Variants in THOC1 observed in about 807,000 individuals in gnomAD.
THOC1 encodes THO complex 1.
Under a neutral mutation model 97.3 loss-of-function variants are expected in THOC1, and 29 were observed. That is an observed-to-expected ratio of 0.30 (90% CI 0.22 to 0.41). The LOEUF (loss-of-function observed/expected upper bound fraction) is 0.41. Among genes scored for constraint, THOC1 ranks in the 10% least tolerant of loss-of-function variants. The pLI, the probability that THOC1 is intolerant of heterozygous loss-of-function variation, is 1.00. For synonymous variants in THOC1, 255 were observed against 257.0 expected (o/e 0.99, Z 0.07); for missense variants, 529 against 761.9 (o/e 0.69, Z 3.60).
intron 17 of THOC1, among the ~76,000 whole-genome samples, chr18:222,993 ACT>A (rs1246010862): frequency 6.6e-6 from 1 of 151,666 alleles, no homozygotes. Flanking sequence ...ATCGTTTCTA[ACT>A]CTGCTCCTTC....
chr18:239,295 TTTTA>T (rs1484652826), intron 11 of THOC1, among the ~76,000 whole-genome samples: 3 of 152,138 alleles, frequency 2.0e-5, no homozygotes, highest in Non-Finnish European at 2.9e-5. Flanking sequence ...CATACGATAC[TTTTA>T]TTTATTTTAT....
intron 1 of THOC1, among the ~76,000 whole-genome samples, chr18:266,423 C>T (rs749412256): frequency 2.0e-5 from 3 of 152,134 alleles, no homozygotes; most frequent in Non-Finnish European, 4.4e-5. Flanking sequence ...GGTAGAAATG[C>T]AAAATCTCAG....
At chr18:225,056 T>C in intron 14 of THOC1, 33 bp downstream of exon 14, 1 of 1,566,932 alleles carries the variant, frequency 6.4e-7, no homozygotes, top group Non-Finnish European at 8.7e-7. Context: ...TATTTCGTGC[T>C]AAGAAGAGGA....
intron 11 of THOC1, among the ~76,000 whole-genome samples, chr18:235,751 T>C (rs1358636913): frequency 6.6e-6 from 1 of 152,194 alleles, no homozygotes; most frequent in Non-Finnish European, 1.5e-5. Flanking sequence ...TGCTGAGAAT[T>C]TCTTTGTGAC....
At chr18:221,307 G>GGGT (rs931419228) in intron 17 of THOC1, among the ~76,000 whole-genome samples, 1 of 151,922 alleles carries the variant, frequency 6.6e-6, no homozygotes, top group African/African-American at 2.4e-5. Context: ...TAGGTTTTCT[G>GGGT]GGTGGTGGTG....
At chr18:243,366 T>G (rs1227360422) in intron 11 of THOC1, among the ~76,000 whole-genome samples, 1 of 152,142 alleles carries the variant, frequency 6.6e-6, no homozygotes, top group Non-Finnish European at 1.5e-5. Flanking sequence ...TGTGGAGATT[T>G]CTCTGAAAAT....
chr18:241,423 C>T (rs1226063247), intron 11 of THOC1, among the ~76,000 whole-genome samples: 1 of 152,214 alleles, frequency 6.6e-6, no homozygotes, highest in Non-Finnish European at 1.5e-5. Context: ...CTAGAGGCCT[C>T]TTCACACAAT....
intron 10 of THOC1, among the ~76,000 whole-genome samples, chr18:247,166 C>T (rs1912122817): frequency 1.3e-5 from 2 of 152,060 alleles, no homozygotes; most frequent in African/African-American, 4.8e-5. Flanking sequence ...GGTGCTGCCC[C>T]CACAAAAAAT....
At chr18:235,744 T>C (rs1911657802) in intron 11 of THOC1, among the ~76,000 whole-genome samples, 1 of 152,214 alleles carries the variant, frequency 6.6e-6, no homozygotes, top group Admixed American at 6.5e-5. Flanking sequence ...TGAAATTTGC[T>C]GAGAATTTCT....
chr18:223,369 G>C (rs1286756835), intron 17 of THOC1, 71 bp downstream of exon 17: 6 of 1,259,818 alleles, frequency 4.8e-6, no homozygotes, highest in Non-Finnish European at 5.6e-6. Context: ...TCTGATCATA[G>C]CTGAGAAAAG....
chr18:236,113 T>C (rs989969556), intron 11 of THOC1, among the ~76,000 whole-genome samples: 1 of 152,166 alleles, frequency 6.6e-6, no homozygotes, highest in Non-Finnish European at 1.5e-5. Flanking sequence ...TTATGTAGCT[T>C]TCTTTTTGTT....
intron 17 of THOC1, among the ~76,000 whole-genome samples, chr18:222,120 C>T (rs1397017723): frequency 2.0e-5 from 3 of 152,158 alleles, no homozygotes; most frequent in African/African-American, 7.2e-5. Context: ...ATTTCTTTCA[C>T]ATACTTTACA....
intron 6 of THOC1, 119 bp from the exon 7 acceptor site, chr18:259,394 A>T (rs1239932704): frequency 1.2e-6 from 1 of 838,088 alleles, no homozygotes; most frequent in African/African-American, 1.8e-5. Context: ...GTAGTTCTTA[A>T]ATTGGGGGCC....
Position 214,907 on chromosome 18 carries a change from G to A in THOC1, c.1693C>T (p.Arg565Ter), listed in dbSNP as rs1304075550. The A allele has an allele frequency of 6.8e-6, 11 of 1,613,566 alleles. No homozygotes were observed. The highest frequency in any genetic ancestry group is 9.3e-6 in the Non-Finnish European group (11 of 1,179,772). Residue 565 changes from arginine (R) to a stop codon, truncating the protein, a stop_gained, in exon 21 of 21, where the codon CGA becomes TGA. Transcript: ENST00000261600. LOFTEE classifies it high-confidence loss of function. The part of the protein sequence containing the change: ...LKENESPDVR[R>*]DKPVTGEQIE... ...TGTTCTCCTGTTACAGGTTTGTCTC[G>A]CCGAACATCAGGACCTAGAAAATGA...
Position 254,332 on chromosome 18 carries a change from TA to T in THOC1, c.543del (p.Phe181LeufsTer32). On this transcript the variant is annotated frameshift_variant, in exon 8 of 21. Coordinates refer to ENST00000261600, the MANE Select transcript of THOC1 (RefSeq NM_005131.3). LOFTEE classifies it high-confidence loss of function. The surrounding 1 kb of genome is among the most constrained non-coding windows in gnomAD (Gnocchi z 4.1). ...EKSGLNLQSQ[F>X]NLENVTVFNT... is the part of the protein sequence containing the mutation. Reference sequence around the variant, plus strand: ...TTGAAAACAGTGACATTTTCCAGATTAAACTGACTCTGCAAGTTAAGACCTA... The same window carrying T: ...TTGAAAACAGTGACATTTTCCAGATTAACTGACTCTGCAAGTTAAGACCTA... 1 of 1,576,152 alleles carries T rather than the reference TA, an allele frequency of 6.3e-7. No individual in the cohort carries two copies. The highest frequency in any genetic ancestry group is 8.6e-7 in the Non-Finnish European group (1 of 1,159,936).
chr18:229,950 T>C (rs1702299490), intron 11 of THOC1, among the ~76,000 whole-genome samples: 1 of 152,180 alleles, frequency 6.6e-6, no homozygotes, highest in Non-Finnish European at 1.5e-5. Context: ...TTTCATACAC[T>C]CTACAGTTTG....
intron 11 of THOC1, among the ~76,000 whole-genome samples, chr18:235,826 T>C (rs1278601708): frequency 2.0e-5 from 3 of 152,206 alleles, no homozygotes; most frequent in African/African-American, 4.8e-5. Flanking sequence ...TTGCTTCTAT[T>C]TGTTCTATAC....
At chr18:234,192 T>C (rs1048608460) in intron 11 of THOC1, among the ~76,000 whole-genome samples, 4 of 152,244 alleles carry the variant, frequency 2.6e-5, no homozygotes, top group Admixed American at 6.5e-5. Flanking sequence ...TCTTGGACTT[T>C]TCTCTGTAGA....
At chr18:238,713 G>A (rs1416558268) in intron 11 of THOC1, among the ~76,000 whole-genome samples, 1 of 152,188 alleles carries the variant, frequency 6.6e-6, no homozygotes, top group Admixed American at 6.5e-5. Flanking sequence ...CAGTTATGTG[G>A]TTGTTATGTG....
Sources: gnomAD v4.1 joint callset for allele counts (sites outside exome capture counted in the v4.1 genomes callset) on GRCh38, gnomAD v4.1.1 for gene constraint, Gnocchi (gnomAD v3.1) non-coding constraint, MANE v1.5 for transcripts, NCBI Gene and HGNC (gene_info 2026-07-23, HGNC 2026-07-21) for gene names.